Variants in ADCY5 observed in about 807,000 individuals in gnomAD.
ADCY5 encodes the protein adenylate cyclase 5.
A neutral mutation model predicts 119.7 loss-of-function variants in ADCY5; 30 were observed. The ratio of observed to expected loss-of-function variants is 0.25; its 90% CI spans 0.19 to 0.34. ADCY5 has a LOEUF of 0.34. Among genes scored for constraint, ADCY5 ranks in the 10% least tolerant of loss-of-function variants. The pLI is 1.00. For synonymous variants in ADCY5, 753 were observed against 762.2 expected, an observed-to-expected ratio of 0.99 and a Z score of 0.20; for missense variants, 1,324 against 1,775.2, an observed-to-expected ratio of 0.75 and a Z score of 4.57.
intron 1 of ADCY5, chr3:123,368,053 G>GA: frequency 6.9e-7 from 1 of 1,458,964 alleles, no homozygotes; most frequent in Non-Finnish European, 9.0e-7. Flanking sequence ...TTGCCTGGGG[G>GA]AGAGAGGCAG....
intron 6 of ADCY5, among the ~76,000 whole-genome samples, 185 bp from the exon 7 acceptor site, chr3:123,327,944 T>A (rs890712414): frequency 6.6e-6 from 1 of 152,218 alleles, no homozygotes; most frequent in Non-Finnish European, 1.5e-5. Flanking sequence ...TGGGCTCTCA[T>A]GCCCACTGCA....
In ADCY5 at chr3:123,448,173, C is replaced by G; in HGVS notation, c.373G>C (p.Gly125Arg). 8.6e-7 allele frequency: 1 copy of G among 1,160,774 alleles called. No homozygotes were observed. Among genetic ancestry groups the G allele is most frequent in the Non-Finnish European group, 1.1e-6 (1 of 944,066 alleles). The allele number at this position is 1,160,774 out of a possible 1,614,324, so 71.9% of individuals were successfully genotyped here. ...GCAGGGGGCGCCCGGGTGCTGCCCC[C>G]GCTGGCCGCGCCCCGCCGCTGCCGG... Reference protein sequence around the residue: ...SRRQRRGAASGGSTRAPPAGG... With the variant: ...SRRQRRGAASRGSTRAPPAGG... Residue 125 changes from glycine to arginine, a missense_variant, in exon 1 of 21, where the codon GGG becomes CGG. Physicochemically the swap from Gly to Arg is moderately radical, Grantham distance 125. Coordinates refer to ENST00000462833, the MANE Select transcript of ADCY5 (RefSeq NM_183357.3).
At chr3:123,348,217 T>C (rs1205520208) in intron 2 of ADCY5, among the ~76,000 whole-genome samples, 1 of 152,110 alleles carries the variant, frequency 6.6e-6, no homozygotes, top group Non-Finnish European at 1.5e-5. Context: ...GTTAGAATCC[T>C]GGATGTCCCC....
chr3:123,437,922 G>C (rs894057810), intron 1 of ADCY5, among the ~76,000 whole-genome samples: 5 of 152,186 alleles, frequency 3.3e-5, no homozygotes, highest in African/African-American at 1.2e-4. Flanking sequence ...GCATTCCCCA[G>C]TCCCTGCCAG....
In ADCY5 at chr3:123,448,540, G is replaced by A; in HGVS notation, c.6C>T (p.Ser2=). ...CCGGGGGGCTCACGCTTTTGGAGCC[G>A]GACATCCCCCCCTCGGCCTCGTCGT... is the stretch of plus-strand genomic sequence containing the variant. The part of the protein sequence containing the change: M[S]GSKSVSPPGY... The change falls in exon 1 of 21, where the codon TCC becomes TCT. Residue 2 remains serine (S), a synonymous_variant. Coordinates refer to ENST00000462833, the MANE Select transcript of ADCY5 (RefSeq NM_183357.3). The A allele has an allele frequency of 3.2e-6, 4 of 1,265,684 alleles. No individual in the cohort carries two copies. Among genetic ancestry groups the A allele is most frequent in the East Asian group, 3.2e-5 (1 of 31,726 alleles). The allele number at this position is 1,265,684 out of a possible 1,614,324, so 78.4% of individuals were successfully genotyped here.
At position 123,289,785 on chromosome 3, in the gene ADCY5, T is replaced by C. The variant is rs1559777849; in HGVS notation, c.3497A>G (p.Asn1166Ser). The C allele has an allele frequency of 3.7e-6, 6 of 1,614,174 alleles. No individual in the cohort carries two copies. The highest frequency in any genetic ancestry group is 2.2e-5 in the East Asian group (1 of 44,882). Reference sequence around the variant, plus strand: ...CTGGAAGTTGTTGAAGGAGTGCTCATTGATGTACTTCATCTGGTCCATCAG... The same window carrying C: ...CTGGAAGTTGTTGAAGGAGTGCTCACTGATGTACTTCATCTGGTCCATCAG... ...MKLMDQMKYINEHSFNNFQMK... is the reference protein window; with the variant it reads ...MKLMDQMKYISEHSFNNFQMK... The change falls in exon 19 of 21, where the codon AAT becomes AGT. Residue 1166 changes from asparagine to serine, a missense_variant. By Grantham distance (46) the Asn-to-Ser change is conservative. Transcript: ENST00000462833.
rs764535398 is a variant in ADCY5, at chr3:123,319,835, A to ACGGG, written c.2112-21_2112-18dup. 24 of 1,611,298 alleles carry ACGGG rather than the reference A, an allele frequency of 1.5e-5. No homozygotes were observed. In the South Asian group the frequency reaches 2.5e-4, roughly 17 times the overall value. ...TGGGCGTTCCTGGGGAGCAGAAGGC[A>ACGGG]CGGGCGTGAGACAGGCTGACCACAG... is the stretch of plus-strand genomic sequence containing the variant. On this transcript the variant is annotated splice_polypyrimidine_tract_variant and intron_variant, in intron 9 of 20. Coordinates refer to ENST00000462833, the MANE Select transcript of ADCY5 (RefSeq NM_183357.3).
At chr3:123,299,064 G>A (rs1287032471) in intron 15 of ADCY5, among the ~76,000 whole-genome samples, 1 of 152,028 alleles carries the variant, frequency 6.6e-6, no homozygotes, top group Non-Finnish European at 1.5e-5. Context: ...CTGATGTACT[G>A]ATTAATGCAT....
intron 1 of ADCY5, among the ~76,000 whole-genome samples, chr3:123,392,075 G>A (rs1944415143): frequency 6.6e-6 from 1 of 152,140 alleles, no homozygotes; most frequent in Admixed American, 6.5e-5. Context: ...CACATCTAAA[G>A]CATTTGTCTT....
At chr3:123,435,516 C>G (rs1027672154) in intron 1 of ADCY5, among the ~76,000 whole-genome samples, 8 of 152,194 alleles carry the variant, frequency 5.3e-5, no homozygotes, top group African/African-American at 1.9e-4. Context: ...AGGAAGCTGG[C>G]AGGCCCTTTA....
chr3:123,292,941 AGGTGGAAGCTAGGGG>A (rs1559780862), intron 17 of ADCY5, among the ~76,000 whole-genome samples: 1 of 152,160 alleles, frequency 6.6e-6, no homozygotes, highest in Non-Finnish European at 1.5e-5. Flanking sequence ...GACAGAGTGG[AGGTGGAAGCTAGGGG>A]CAGGGCCGCT....
At chr3:123,367,678 C>CG in intron 1 of ADCY5, among the ~76,000 whole-genome samples, 1 of 152,080 alleles carries the variant, frequency 6.6e-6, no homozygotes, top group East Asian at 1.9e-4. Flanking sequence ...GATTCAGGGG[C>CG]GGGAAGAAGG....
intron 1 of ADCY5, among the ~76,000 whole-genome samples, chr3:123,407,375 C>G (rs931487741): frequency 2.5e-4 from 38 of 152,042 alleles, no homozygotes; most frequent in Admixed American, 2.5e-3. Flanking sequence ...GAAATGTGCT[C>G]TAGCTATAAA....
At chr3:123,419,601 A>G (rs1945258671) in intron 1 of ADCY5, among the ~76,000 whole-genome samples, 1 of 152,140 alleles carries the variant, frequency 6.6e-6, no homozygotes, top group Admixed American at 6.5e-5. Context: ...GTCACATTCC[A>G]GCCTCAACTC....
At position 123,284,412 on chromosome 3, in the gene ADCY5, C is replaced by T. The variant is rs753144440; in HGVS notation, c.*196G>A. ...TTTGGTCAGCTGGGTGCTCGCAGGA[C>T]GCTGGCACCCCGGGGCCTGGGACAG... On this transcript the variant is annotated 3_prime_UTR_variant, in exon 21 of 21. Coordinates refer to ENST00000462833, the MANE Select transcript of ADCY5 (RefSeq NM_183357.3). 5.3e-5 allele frequency: 41 copies of T among 768,346 alleles called. No individual in the cohort carries two copies. The highest frequency in any genetic ancestry group is 8.3e-5 in the East Asian group (3 of 36,318). The allele number at this position is 768,346 out of a possible 1,614,324, so 47.6% of individuals were successfully genotyped here.
At position 123,447,403 on chromosome 3, in the gene ADCY5, G is replaced by C; in HGVS notation, c.1134+9C>G. 3 of 1,546,010 alleles carry C rather than the reference G, an allele frequency of 1.9e-6. No individual in the cohort carries two copies. Among genetic ancestry groups the C allele is most frequent in the Non-Finnish European group, 2.6e-6 (3 of 1,143,830 alleles). On this transcript the variant is annotated intron_variant, in intron 1 of 20. Transcript: ENST00000462833. ...GCAATCCAGTCCCGGTGGCCAGGTC[G>C]GCCCCTACCTGCTTCAGCAGGAACT...
At chr3:123,388,512 C>T (rs1484277706) in intron 1 of ADCY5, among the ~76,000 whole-genome samples, 2 of 152,080 alleles carry the variant, frequency 1.3e-5, no homozygotes, top group Non-Finnish European at 2.9e-5. Flanking sequence ...AACTAACAGG[C>T]AGCTGGAAAT....
In ADCY5 at chr3:123,329,035, A is replaced by G. The variant is rs1941637078; in HGVS notation, c.1647-233T>C. Among the ~76,000 whole-genome samples the G allele has an allele frequency of 2.6e-5, 4 of 152,216 alleles. No homozygotes were observed. In the South Asian group the frequency reaches 8.3e-4, roughly 32 times the overall value. On this transcript the variant is annotated intron_variant, in intron 5 of 20. Coordinates refer to ENST00000462833, the MANE Select transcript of ADCY5 (RefSeq NM_183357.3). ...CCTGGCCACAAGGTGGCGCGGTGCCACACTAAAACCTAGAGCCCTGCTGCT... is the reference window on the plus strand; with the variant it reads ...CCTGGCCACAAGGTGGCGCGGTGCCGCACTAAAACCTAGAGCCCTGCTGCT...
At chr3:123,290,725 T>C (rs535917536) in intron 18 of ADCY5, among the ~76,000 whole-genome samples, 2 of 152,260 alleles carry the variant, frequency 1.3e-5, no homozygotes, top group Admixed American at 1.3e-4. Flanking sequence ...CACTGGGTTG[T>C]CCCAGGCCCT....
Sources: allele counts gnomAD v4.1 joint callset (sites outside exome capture counted in the v4.1 genomes callset), GRCh38; gene constraint gnomAD v4.1.1; transcripts MANE v1.5; gene names NCBI Gene and HGNC (gene_info 2026-07-23, HGNC 2026-07-21).